PSMD1: variants seen among roughly 807,000 people sequenced by gnomAD.
The protein encoded by PSMD1 is proteasome 26S subunit, non-ATPase 1.
A neutral mutation model predicts 119.0 loss-of-function variants in PSMD1; 18 were observed. The ratio of observed to expected loss-of-function variants is 0.15; its 90% confidence interval spans 0.10 to 0.22. The LOEUF is 0.22. PSMD1 is among the 10% of genes least tolerant of loss of function. The pLI is 1.00. For missense variants in PSMD1, 702 were observed against 1,158.5 expected (o/e 0.61, Z 5.72); for synonymous variants, 374 against 396.6 (o/e 0.94, Z 0.68).
chr2:231,144,036 T>G (rs1004781820), intron 17 of PSMD1, among the ~76,000 whole-genome samples: 2 of 152,220 alleles, frequency 1.3e-5, no homozygotes, highest in Admixed American at 6.5e-5. Flanking sequence ...TTAGGTCTTA[T>G]AAAATCATCT....
At chr2:231,092,521 A>G (rs192496806) in intron 16 of PSMD1, among the ~76,000 whole-genome samples, 2 of 152,254 alleles carry the variant, frequency 1.3e-5, no homozygotes, top group Admixed American at 1.3e-4. Context: ...AGGCACCATA[A>G]AGTGTCTTGG....
Position 231,165,257 on chromosome 2 carries a change from GA to G in PSMD1, c.2546del (p.Lys849ArgfsTer44). ...GGCTAAAAAGAAGGAAAAAGAAAAG[GA>G]AAAAAAGGAGGAGGAGAAAATGGAA... ...AKAKKKEKEK[E>X]KKEEEKMEVD... is the part of the protein sequence containing the mutation. On this transcript the variant is annotated frameshift_variant, in exon 22 of 25. Coordinates refer to ENST00000308696, the MANE Select transcript of PSMD1 (RefSeq NM_002807.4). LOFTEE classifies it high-confidence loss of function. 6.9e-6 allele frequency: 11 copies of G among 1,602,806 alleles called. No homozygotes were observed. The highest frequency in any genetic ancestry group is 2.2e-5 in the South Asian group (2 of 90,348).
At chr2:231,129,570 AAATT>A (rs1695806361) in intron 16 of PSMD1, among the ~76,000 whole-genome samples, 1 of 152,222 alleles carries the variant, frequency 6.6e-6, no homozygotes, top group South Asian at 2.1e-4. Context: ...GACAACAAAT[AAATT>A]CTCTTTCACT....
rs1432327263 is a variant in PSMD1, at chr2:231,076,358, T to C, written c.943-676T>C. On this transcript the variant is annotated intron_variant, in intron 8 of 24. Transcript: ENST00000308696. ...TCTTCACCTGGTTGGAAAGTTGTGTTGGTGGCATGGTAGTTTATAAGATCA... is the reference window on the plus strand; with the variant it reads ...TCTTCACCTGGTTGGAAAGTTGTGTCGGTGGCATGGTAGTTTATAAGATCA... 2.6e-5 allele frequency among the ~76,000 whole-genome samples: 4 copies of C among 152,324 alleles called. No individual in the cohort carries two copies. The East Asian group carries it at 7.7e-4, about 29-fold the overall frequency.
chr2:231,088,290 G>A (rs1041407920), intron 16 of PSMD1, among the ~76,000 whole-genome samples: 3 of 152,126 alleles, frequency 2.0e-5, no homozygotes, highest in African/African-American at 7.2e-5. Context: ...ATTCATTACT[G>A]TCTACTTAGA....
chr2:231,156,371 A>G (rs1457229150), intron 19 of PSMD1, among the ~76,000 whole-genome samples: 2 of 152,152 alleles, frequency 1.3e-5, no homozygotes, highest in Non-Finnish European at 2.9e-5. Context: ...TCCCTAGTTT[A>G]CATTAGAGTT....
Position 231,172,600 on chromosome 2 carries a change from A to G in PSMD1, c.*75A>G, listed in dbSNP as rs941126595. On this transcript the variant is annotated 3_prime_UTR_variant, in exon 25 of 25. Coordinates refer to ENST00000308696, the MANE Select transcript of PSMD1 (RefSeq NM_002807.4). Reference sequence around the variant, plus strand: ...ATTGGGAATGCTTATGAGGAAATTCATGCCGAGACCTGCTATTCAATGCAT... The same window carrying G: ...ATTGGGAATGCTTATGAGGAAATTCGTGCCGAGACCTGCTATTCAATGCAT... 1 of 152,278 alleles carries G rather than the reference A, an allele frequency of 6.6e-6. No individual in the cohort carries two copies. The highest frequency in any genetic ancestry group is 1.5e-5 in the Non-Finnish European group (1 of 68,056). The allele number at this position is 152,278 out of a possible 1,614,324, so 9.4% of individuals were successfully genotyped here. A position where few individuals can be genotyped will look rare whatever the true frequency, so the allele number is the denominator to read the frequency against.
chr2:231,150,453 C>T (rs745656192), intron 18 of PSMD1, among the ~76,000 whole-genome samples: 1 of 151,388 alleles, frequency 6.6e-6, no homozygotes. Flanking sequence ...TATATATGTG[C>T]GTATGTGTGT....
At chr2:231,134,415 G>A (rs947609797) in intron 16 of PSMD1, among the ~76,000 whole-genome samples, 39 of 152,162 alleles carry the variant, frequency 2.6e-4, no homozygotes, top group African/African-American at 8.4e-4. Context: ...CCTAAACCAA[G>A]ACCCAGTTTT....
rs1035981305 is a variant in PSMD1 at position 231,083,079 on chromosome 2, C to G, written c.1525+85C>G. 1.1e-5 allele frequency: 11 copies of G among 1,034,306 alleles called. No homozygotes were observed. The Admixed American group carries it at 2.9e-4, about 28-fold the overall frequency. 64.1% of individuals were successfully genotyped at this position (1,034,306 alleles called of 1,614,324 possible). A position where few individuals can be genotyped will look rare whatever the true frequency, so the allele number is the denominator to read the frequency against. On this transcript the variant is annotated intron_variant, in intron 13 of 24. Coordinates refer to ENST00000308696, the MANE Select transcript of PSMD1 (RefSeq NM_002807.4). ...ATTAGTTTCTACCTATATTTTGTAG[C>G]CTCTTAAAATTCCGATGGATTTCTC...
At chr2:231,121,662 T>G (rs1695548160) in intron 16 of PSMD1, among the ~76,000 whole-genome samples, 1 of 152,196 alleles carries the variant, frequency 6.6e-6, no homozygotes, top group Non-Finnish European at 1.5e-5. Context: ...TTAGCTCACT[T>G]TAATTCTATG....
At chr2:231,065,459 A>ATTT (rs58929120) in intron 4 of PSMD1, among the ~76,000 whole-genome samples, 55,809 of 140,640 alleles carry the variant, frequency 0.4, 13,462 homozygotes, top group African/African-American at 0.69. Context: ...CACCCGGCTA[A>ATTT]TTTTTTTTTT....
rs565401539 is a variant in PSMD1 at position 231,081,713 on chromosome 2, A to T, written c.1414-1170A>T. On this transcript the variant is annotated intron_variant, in intron 12 of 24. Coordinates refer to ENST00000308696, the MANE Select transcript of PSMD1 (RefSeq NM_002807.4). ...AAAGGAATGTTGGGATGCTGTCACT[A>T]ATAGAAGCATGCTGTGCATTCAGAA... Among the ~76,000 whole-genome samples, 91 of 152,350 alleles carry T rather than the reference A, an allele frequency of 6.0e-4. 1 individual carries two copies. The highest frequency in any genetic ancestry group is 1.2e-3 in the Non-Finnish European group (84 of 68,026).
intron 16 of PSMD1, among the ~76,000 whole-genome samples, chr2:231,125,386 A>C (rs3806545): frequency 0.14 from 22,064 of 152,190 alleles, 3,287 homozygotes; most frequent in African/African-American, 0.38. Flanking sequence ...GCTATTTTAG[A>C]GGTTTCATTC....
At chr2:231,100,109 A>G (rs1038637393) in intron 16 of PSMD1, among the ~76,000 whole-genome samples, 46 of 152,188 alleles carry the variant, frequency 3.0e-4, no homozygotes, top group African/African-American at 1.0e-3. Context: ...TCCTCACGAG[A>G]GAGAACCAGA....
chr2:231,166,332 C>G (rs752822325), intron 23 of PSMD1, among the ~76,000 whole-genome samples: 6 of 152,174 alleles, frequency 3.9e-5, no homozygotes, highest in Non-Finnish European at 8.8e-5. Context: ...GAGTATACTG[C>G]TCAGGCTAAG....
Position 231,163,690 on chromosome 2 carries a change from C to G in PSMD1, c.2444C>G (p.Ala815Gly). 6.2e-7 allele frequency: 1 copy of G among 1,612,706 alleles called. No individual in the cohort carries two copies. Among genetic ancestry groups the G allele is most frequent in the Non-Finnish European group, 8.5e-7 (1 of 1,178,936 alleles). Reference sequence around the variant, plus strand: ...AAACCATCCACATTTGCATATCCTGCCCCTCTGGAAGTACCAAAAGAAAAA... The same window carrying G: ...AAACCATCCACATTTGCATATCCTGGCCCTCTGGAAGTACCAAAAGAAAAA... ...NCKPSTFAYPAPLEVPKEKEK... is the reference protein window; with the variant it reads ...NCKPSTFAYPGPLEVPKEKEK... Residue 815 changes from alanine to glycine, a missense_variant, in exon 21 of 25, where the codon GCC becomes GGC. Physicochemically the swap from Ala to Gly is moderately conservative, Grantham distance 60 (BLOSUM62 0). Transcript: ENST00000308696.
intron 17 of PSMD1, among the ~76,000 whole-genome samples, chr2:231,141,486 A>T (rs1350984676): frequency 6.7e-6 from 1 of 148,344 alleles, no homozygotes; most frequent in East Asian, 2.0e-4. Context: ...CTGGAGTACA[A>T]TGGGGCTATG....
At position 231,077,121 on chromosome 2, in the gene PSMD1, C is replaced by A. The variant is rs1490241024; in HGVS notation, c.1030C>A (p.Arg344=). ...TGAGTTACATCTGCAGTTCTTAATA[C>A]GAAACAATAATACAGACCTCATGAT... ...AIELHLQFLI[R]NNNTDLMILK... The change falls in exon 9 of 25, where the codon CGA becomes AGA. Residue 344 remains arginine, a synonymous_variant. Transcript: ENST00000308696. 2 of 1,587,326 alleles carry A rather than the reference C, an allele frequency of 1.3e-6. No homozygotes were observed. The highest frequency in any genetic ancestry group is 1.7e-5 in the Admixed American group (1 of 58,266).
Sources: allele counts gnomAD v4.1 joint callset (sites outside exome capture counted in the v4.1 genomes callset), GRCh38; gene constraint gnomAD v4.1.1; transcripts MANE v1.5; gene names NCBI Gene and HGNC (gene_info 2026-07-23, HGNC 2026-07-21).